Variants in PDZD2 observed in about 807,000 individuals in gnomAD.
The protein encoded by PDZD2 is PDZ domain-containing protein 2.
Under a neutral mutation model 220.7 loss-of-function variants are expected in PDZD2, and 90 were observed. The observed-to-expected ratio is 0.41, with a 90% confidence interval of 0.34 to 0.49. The LOEUF (loss-of-function observed/expected upper bound fraction) is 0.49, where lower values mean the gene tolerates loss of function less well. Ranked by LOEUF, PDZD2 falls within the 20% of genes least tolerant of loss-of-function variation. The pLI is 0.28. For synonymous variants in PDZD2, 1,375 were observed against 1,450.5 expected, an observed-to-expected ratio of 0.95 and a Z score of 1.18; for missense variants, 3,174 against 3,608.5, an observed-to-expected ratio of 0.88 and a Z score of 3.08.
chr5:31,875,669 A>G (rs1295321181), intron 2 of PDZD2, among the ~76,000 whole-genome samples: 2 of 148,506 alleles, frequency 1.3e-5, no homozygotes, highest in Non-Finnish European at 3.0e-5. Context: ...ATATAAGCAT[A>G]TAAATTTAAT....
chr5:31,730,495 A>G (rs1749458982), intron 1 of PDZD2, among the ~76,000 whole-genome samples: 1 of 152,096 alleles, frequency 6.6e-6, no homozygotes, highest in African/African-American at 2.4e-5. Context: ...CCACTCCGCC[A>G]TAAGGACAAG....
intron 1 of PDZD2, among the ~76,000 whole-genome samples, chr5:31,743,795 G>C: frequency 6.6e-6 from 1 of 152,032 alleles, no homozygotes; most frequent in Non-Finnish European, 1.5e-5. Context: ...AGATATGAAA[G>C]AAATGGAAGA....
At chr5:31,724,339 ACG>A (rs1480563058) in intron 1 of PDZD2, among the ~76,000 whole-genome samples, 12 of 152,146 alleles carry the variant, frequency 7.9e-5, no homozygotes, top group Non-Finnish European at 1.6e-4. Flanking sequence ...GCAGTGGCTC[ACG>A]CCTGTAATCC....
chr5:31,789,570 C>T (rs1158124685), intron 1 of PDZD2, among the ~76,000 whole-genome samples: 2 of 152,204 alleles, frequency 1.3e-5, no homozygotes, highest in African/African-American at 2.4e-5. Flanking sequence ...CTAGATAGGG[C>T]TCCTTGTGAG....
At chr5:32,104,716 TAAAAAAAAAAAAAAAAAA>T (rs755177769) in intron 24 of PDZD2, among the ~76,000 whole-genome samples, 3 of 30,098 alleles carry the variant, frequency 1.0e-4, no homozygotes, top group Admixed American at 6.6e-4. Flanking sequence ...AGGCTCCATC[TAAAAAAAAAAAAAAAAAA>T]AAAAAAAAAA....
At chr5:31,857,669 TTC>T (rs1007998588) in intron 2 of PDZD2, among the ~76,000 whole-genome samples, 4 of 152,208 alleles carry the variant, frequency 2.6e-5, no homozygotes, top group Admixed American at 6.5e-5. Context: ...TCCTCTAATA[TTC>T]TCTCTGTTGT....
intron 2 of PDZD2, among the ~76,000 whole-genome samples, chr5:31,915,166 C>T (rs112836077): frequency 5.9e-4 from 90 of 152,318 alleles, no homozygotes; most frequent in African/African-American, 2.1e-3. Context: ...CCAGATGCCA[C>T]CTACCCTCCT....
intron 2 of PDZD2, chr5:31,822,797 T>C (rs1755964439): frequency 1.1e-6 from 1 of 939,036 alleles, no homozygotes; most frequent in African/African-American, 1.6e-5. Flanking sequence ...AAATTTCAGA[T>C]TTCAACAGAA....
chr5:31,878,555 C>CTTTTTTTTTTTTT (rs397884384), intron 2 of PDZD2, among the ~76,000 whole-genome samples: 1,246 of 48,198 alleles, frequency 0.026, 369 homozygotes, highest in East Asian at 0.048. Flanking sequence ...ATGACCTCGG[C>CTTTTTTTTTTTTT]TTTTTTTTTT....
intron 2 of PDZD2, among the ~76,000 whole-genome samples, chr5:31,842,118 AAC>A (rs1757347650): frequency 6.6e-6 from 1 of 152,210 alleles, no homozygotes; most frequent in Admixed American, 6.5e-5. Context: ...TCACTTTAAA[AAC>A]ACATATAGCT....
At chr5:31,727,855 T>A (rs1202554579) in intron 1 of PDZD2, among the ~76,000 whole-genome samples, 4 of 149,640 alleles carry the variant, frequency 2.7e-5, no homozygotes, top group Non-Finnish European at 3.0e-5. Context: ...TACAAAAAAT[T>A]TTGCCGGGTG....
intron 1 of PDZD2, among the ~76,000 whole-genome samples, chr5:31,667,793 C>T (rs543739302): frequency 3.5e-4 from 53 of 150,116 alleles, no homozygotes; most frequent in Non-Finnish European, 5.6e-4. Flanking sequence ...GGCAATGTTG[C>T]TGGGCCCTGC....
intron 2 of PDZD2, among the ~76,000 whole-genome samples, chr5:31,946,881 T>C (rs1303298088): frequency 6.6e-6 from 1 of 152,174 alleles, no homozygotes; most frequent in East Asian, 1.9e-4. Context: ...AAAATATTTT[T>C]TGTAGAGACA....
At chr5:31,969,747 T>A (rs1319917431) in intron 2 of PDZD2, among the ~76,000 whole-genome samples, 1 of 151,976 alleles carries the variant, frequency 6.6e-6, no homozygotes, top group Non-Finnish European at 1.5e-5. Context: ...TTGAAACAGA[T>A]GAATTATATA....
At chr5:31,984,467 G>A (rs567535240) in intron 3 of PDZD2, among the ~76,000 whole-genome samples, 1 of 152,340 alleles carries the variant, frequency 6.6e-6, no homozygotes, top group South Asian at 2.1e-4. Context: ...CTACGTGGAT[G>A]CTGACTGGTT....
rs533372064 is a variant in PDZD2 at position 31,670,158 on chromosome 5, A to G, written c.-361+30721A>G. Reference sequence around the variant, plus strand: ...CAATTCAGTTGTTCCTGTAGTTAGGAGGCATTGTTTTCAGGGTGTTTGAAC... The same window carrying G: ...CAATTCAGTTGTTCCTGTAGTTAGGGGGCATTGTTTTCAGGGTGTTTGAAC... On this transcript the variant is annotated intron_variant, in intron 1 of 24. Transcript: ENST00000438447. Among the ~76,000 whole-genome samples the G allele has an allele frequency of 2.0e-5, 3 of 152,176 alleles. No individual in the cohort carries two copies. The South Asian group carries it at 6.2e-4, about 32-fold the overall frequency.
chr5:31,904,298 A>G (rs1355811340), intron 2 of PDZD2, among the ~76,000 whole-genome samples: 1 of 152,152 alleles, frequency 6.6e-6, no homozygotes, highest in African/African-American at 2.4e-5. Context: ...TTTAGTCAAC[A>G]GTCATTCAAT....
At chr5:31,739,722 A>G (rs1750136577) in intron 1 of PDZD2, among the ~76,000 whole-genome samples, 2 of 152,350 alleles carry the variant, frequency 1.3e-5, no homozygotes, top group South Asian at 2.1e-4. Context: ...TGTATTATCA[A>G]ATGAAGAAAC....
chr5:31,693,865 C>T (rs117282791), intron 1 of PDZD2, among the ~76,000 whole-genome samples: 3,098 of 152,234 alleles, frequency 0.02, 66 homozygotes, highest in South Asian at 0.075. Flanking sequence ...TGCTTAAATG[C>T]TGAATTTCAG....
Sources: allele counts gnomAD v4.1 joint callset (sites outside exome capture counted in the v4.1 genomes callset), GRCh38; gene constraint gnomAD v4.1.1; transcripts MANE v1.5; gene names NCBI Gene and HGNC (gene_info 2026-07-23, HGNC 2026-07-21).